TMEM178B: variants seen among roughly 807,000 people sequenced by gnomAD.
TMEM178B encodes the protein transmembrane protein 178B.
TMEM178B carries 5 observed loss-of-function variants against 31.0 expected under a neutral mutation model. The observed-to-expected ratio is 0.16, with a 90% CI of 0.08 to 0.34. TMEM178B has a LOEUF of 0.34. TMEM178B is among the 10% of genes least tolerant of loss of function. The probability of loss-of-function intolerance (pLI) is 1.00; values close to 1 mark genes in which losing one functional copy is unlikely to be tolerated. For missense variants in TMEM178B, 275 were observed against 400.3 expected (o/e 0.69, Z 2.67); for synonymous variants, 164 against 164.0 (o/e 1.00, Z 0.00).
At chr7:141,440,972 T>C (rs1801646858) in intron 3 of TMEM178B, among the ~76,000 whole-genome samples, 1 of 152,236 alleles carries the variant, frequency 6.6e-6, no homozygotes. Flanking sequence ...ACAAAGCCAC[T>C]AAGAGCTGGT....
chr7:141,316,950 G>T (rs1438264118), intron 2 of TMEM178B, among the ~76,000 whole-genome samples: 1 of 152,180 alleles, frequency 6.6e-6, no homozygotes, highest in Non-Finnish European at 1.5e-5. Flanking sequence ...CTCCAGTAAT[G>T]GGAATGATGG....
the TMEM178B span, among the ~76,000 whole-genome samples, chr7:141,503,116 T>C: frequency 1.3e-5 from 2 of 152,196 alleles, no homozygotes; most frequent in Non-Finnish European, 2.9e-5. Flanking sequence ...GGAAGGAACA[T>C]GAACTGAATT....
intron 1 of TMEM178B, among the ~76,000 whole-genome samples, chr7:141,205,278 C>A (rs895435748): frequency 6.6e-6 from 1 of 152,220 alleles, no homozygotes; most frequent in African/African-American, 2.4e-5. Flanking sequence ...AATAAGGAAG[C>A]TGTTTATACT....
chr7:141,094,499 CT>C (rs1041512358), intron 1 of TMEM178B, among the ~76,000 whole-genome samples: 2 of 152,170 alleles, frequency 1.3e-5, no homozygotes, highest in African/African-American at 4.8e-5. Flanking sequence ...TCAGAGTAGC[CT>C]AGCTATTCTA....
At chr7:141,435,232 A>T (rs1801512886) in intron 2 of TMEM178B, among the ~76,000 whole-genome samples, 1 of 152,268 alleles carries the variant, frequency 6.6e-6, no homozygotes, top group African/African-American at 2.4e-5. Flanking sequence ...AAGTAAAAAA[A>T]TAAACTCAAA....
intron 2 of TMEM178B, among the ~76,000 whole-genome samples, chr7:141,400,634 G>T (rs939274702): frequency 6.6e-6 from 1 of 152,188 alleles, no homozygotes; most frequent in African/African-American, 2.4e-5. Flanking sequence ...TCTGTCAAAA[G>T]GTGTTTAAAT....
chr7:141,155,800 C>T (rs1273278675), intron 1 of TMEM178B, among the ~76,000 whole-genome samples: 1 of 152,152 alleles, frequency 6.6e-6, no homozygotes, highest in African/African-American at 2.4e-5. Flanking sequence ...CGTGGTGGCT[C>T]ACATCTGTAA....
intron 2 of TMEM178B, among the ~76,000 whole-genome samples, chr7:141,382,157 G>A (rs972710547): frequency 1.3e-5 from 2 of 152,186 alleles, no homozygotes; most frequent in Non-Finnish European, 2.9e-5. Context: ...AGCAGCCAAG[G>A]TGGCCTTTTA....
At chr7:141,432,162 T>TTTTTTTTC (rs1554487351) in intron 2 of TMEM178B, among the ~76,000 whole-genome samples, 5,818 of 128,038 alleles carry the variant, frequency 0.045, 407 homozygotes, top group Non-Finnish European at 0.074. Context: ...TTTTTTTTTT[T>TTTTTTTTC]TTTTTTTTTT....
intron 2 of TMEM178B, among the ~76,000 whole-genome samples, chr7:141,233,446 A>G (rs1488490415): frequency 6.6e-6 from 1 of 152,142 alleles, no homozygotes; most frequent in African/African-American, 2.4e-5. Flanking sequence ...ATTTTTCCAT[A>G]TTAACCTTGG....
intron 1 of TMEM178B, among the ~76,000 whole-genome samples, chr7:141,083,038 A>C (rs1268132873): frequency 1.3e-5 from 2 of 152,172 alleles, no homozygotes; most frequent in African/African-American, 2.4e-5. Flanking sequence ...AAGTAATCCT[A>C]GGCCTTCAGG....
intron 1 of TMEM178B, among the ~76,000 whole-genome samples, chr7:141,162,243 C>T (rs774201867): frequency 8.5e-5 from 13 of 152,212 alleles, no homozygotes; most frequent in Non-Finnish European, 1.8e-4. Context: ...TGTTGTCCTG[C>T]TCTTTCTCTC....
At position 141,120,481 on chromosome 7, in the gene TMEM178B, A is replaced by G. The variant is rs139941012; in HGVS notation, c.382+45789A>G. 1.1e-3 allele frequency among the ~76,000 whole-genome samples: 174 copies of G among 152,338 alleles called. 1 individual carries two copies. In the East Asian group the frequency reaches 0.028, roughly 24 times the overall value. The stretch of plus-strand genomic sequence containing the variant: ...TTCAGAATATATATTAATAGGACAC[A>G]AGCTTTTAAATCTAGTTTTATTTTT... On this transcript the variant is annotated intron_variant, in intron 1 of 3. Transcript: ENST00000565468.
intron 1 of TMEM178B, among the ~76,000 whole-genome samples, chr7:141,089,490 G>C (rs148153671): frequency 1.3e-5 from 2 of 152,164 alleles, no homozygotes; most frequent in Non-Finnish European, 2.9e-5. Flanking sequence ...TACCATTTGA[G>C]CCAGCCATCC....
intron 2 of TMEM178B, among the ~76,000 whole-genome samples, chr7:141,397,429 C>T (rs142198239): frequency 4.8e-4 from 73 of 152,228 alleles, no homozygotes; most frequent in South Asian, 2.5e-3. Flanking sequence ...AGCCCTGAGA[C>T]GGACGGACCT....
chr7:141,459,945 A>T (rs937145131), intron 3 of TMEM178B, among the ~76,000 whole-genome samples: 18 of 134,764 alleles, frequency 1.3e-4, no homozygotes, highest in African/African-American at 5.1e-4. Flanking sequence ...GAATAGATGG[A>T]GAAAAAAAAA....
intron 2 of TMEM178B, among the ~76,000 whole-genome samples, chr7:141,341,923 G>A (rs149681852): frequency 3.5e-4 from 53 of 152,214 alleles, no homozygotes; most frequent in Non-Finnish European, 6.6e-4. Context: ...TCTTCTAGTA[G>A]GAATGTACAA....
chr7:141,377,386 G>A (rs549872633), intron 2 of TMEM178B, among the ~76,000 whole-genome samples: 8 of 151,110 alleles, frequency 5.3e-5, no homozygotes, highest in African/African-American at 9.7e-5. Context: ...GTTTCACCAC[G>A]TTGGCCGGCT....
intron 1 of TMEM178B, among the ~76,000 whole-genome samples, chr7:141,087,820 C>T (rs1794813075): frequency 6.6e-6 from 1 of 152,174 alleles, no homozygotes; most frequent in Non-Finnish European, 1.5e-5. Context: ...CCTATTTATA[C>T]AAACTATAGC....
Sources: gnomAD v4.1 joint callset for allele counts (sites outside exome capture counted in the v4.1 genomes callset) on GRCh38, gnomAD v4.1.1 for gene constraint, MANE v1.5 for transcripts, NCBI Gene and HGNC (gene_info 2026-07-23, HGNC 2026-07-21) for gene names.